ANO6: variants seen among roughly 807,000 people sequenced by gnomAD.
ANO6 encodes the protein anoctamin-6.
In ANO6, 106 loss-of-function variants were observed where a neutral mutation model predicts 117.5. The ratio of observed to expected loss-of-function variants is 0.90; its 90% confidence interval spans 0.77 to 1.06. The LOEUF is 1.06. ANO6 is among the 50% of genes least tolerant of loss of function. The probability of loss-of-function intolerance (pLI) is 0.00; values close to 1 mark genes in which losing one functional copy is unlikely to be tolerated. For missense variants in ANO6, 955 were observed against 1,121.1 expected, an observed-to-expected ratio of 0.85 and a Z score of 2.12; for synonymous variants, 367 against 385.1, an observed-to-expected ratio of 0.95 and a Z score of 0.55.
chr12:45,244,880 T>C (rs1228404130), intron 1 of ANO6, among the ~76,000 whole-genome samples: 1 of 152,206 alleles, frequency 6.6e-6, no homozygotes, highest in Admixed American at 6.5e-5. Context: ...TCTTTGGTCA[T>C]AGCAGGGATG....
chr12:45,373,625 G>A (rs1305510489), intron 9 of ANO6, among the ~76,000 whole-genome samples: 5 of 152,108 alleles, frequency 3.3e-5, no homozygotes, highest in Non-Finnish European at 4.4e-5. Flanking sequence ...GGTACATAAC[G>A]AAATGAAGGC....
At chr12:45,225,561 T>C (rs1256303191) in intron 1 of ANO6, among the ~76,000 whole-genome samples, 2 of 152,068 alleles carry the variant, frequency 1.3e-5, no homozygotes, top group African/African-American at 2.4e-5. Flanking sequence ...AGATCTGGGC[T>C]CACTGCAAGC....
At chr12:45,289,582 C>A (rs1378768165) in intron 1 of ANO6, among the ~76,000 whole-genome samples, 1 of 152,206 alleles carries the variant, frequency 6.6e-6, no homozygotes, top group African/African-American at 2.4e-5. Context: ...ATATTAATGA[C>A]TATTTTCTGT....
intron 17 of ANO6, among the ~76,000 whole-genome samples, chr12:45,417,886 C>G (rs1293100054): frequency 6.6e-6 from 1 of 152,102 alleles, no homozygotes; most frequent in Non-Finnish European, 1.5e-5. Context: ...CAGGTAGACC[C>G]GAACTCCACT....
chr12:45,431,335 C>T lies in ANO6; in HGVS notation c.*2024C>T. 2.0e-6 allele frequency: 2 copies of T among 985,410 alleles called. No individual in the cohort carries two copies. Among genetic ancestry groups the T allele is most frequent in the Non-Finnish European group, 2.4e-6 (2 of 829,928 alleles). 61.0% of individuals were successfully genotyped at this position (985,410 alleles called of 1,614,324 possible). ...TGTCACTTCCTCTCTAGTACCTCTT[C>T]TCTTCTCTGAAGTGTGTGACTATCT... On this transcript the variant is annotated 3_prime_UTR_variant, in exon 20 of 20. Transcript: ENST00000320560.
intron 1 of ANO6, among the ~76,000 whole-genome samples, chr12:45,284,172 C>T (rs575771161): frequency 1.3e-5 from 2 of 152,142 alleles, no homozygotes; most frequent in South Asian, 2.1e-4. Flanking sequence ...TGATCTAATG[C>T]GAATAGACAG....
intron 10 of ANO6, among the ~76,000 whole-genome samples, chr12:45,382,998 CT>C: frequency 6.6e-6 from 1 of 152,116 alleles, no homozygotes. Context: ...CAAAAGAGTT[CT>C]CTAGCATGTG....
At position 45,237,449 on chromosome 12, in the gene ANO6, C is replaced by T. The variant is rs573134658; in HGVS notation, c.70+21058C>T. Among the ~76,000 whole-genome samples, 4 of 152,292 alleles carry T rather than the reference C, an allele frequency of 2.6e-5. No individual in the cohort carries two copies. In the South Asian group the frequency reaches 8.3e-4, roughly 32 times the overall value. On this transcript the variant is annotated intron_variant, in intron 1 of 19. Transcript: ENST00000320560. Reference sequence around the variant, plus strand: ...TTTCAGTTTTCTACATATGGCTAGCCAGTTTTCCCAGCACCATTTATTAAA... The same window carrying T: ...TTTCAGTTTTCTACATATGGCTAGCTAGTTTTCCCAGCACCATTTATTAAA...
chr12:45,261,089 C>T (rs144106611), intron 1 of ANO6, among the ~76,000 whole-genome samples: 8 of 151,934 alleles, frequency 5.3e-5, no homozygotes, highest in South Asian at 2.1e-4. Context: ...CCAAATGTTA[C>T]GTTTACAGGC....
intron 1 of ANO6, among the ~76,000 whole-genome samples, chr12:45,249,737 C>T (rs998777539): frequency 4.6e-5 from 7 of 152,112 alleles, no homozygotes; most frequent in Non-Finnish European, 8.8e-5. Flanking sequence ...CACTGAATCC[C>T]CAAAAATAAT....
Position 45,285,545 on chromosome 12 carries a change from A to G in ANO6, c.71-16469A>G, listed in dbSNP as rs146460448. On this transcript the variant is annotated intron_variant, in intron 1 of 19. Coordinates refer to ENST00000320560, the MANE Select transcript of ANO6 (RefSeq NM_001025356.3). ...AATCACAGGTCAGGAGATCACCAAC[A>G]TGGTGAAACCTTGTCTCTACTAAAA... 6.7e-3 allele frequency among the ~76,000 whole-genome samples: 1,027 copies of G among 152,280 alleles called. 7 individuals carry two copies. The highest frequency in any genetic ancestry group is 0.021 in the African/African-American group (889 of 41,568).
intron 8 of ANO6, among the ~76,000 whole-genome samples, chr12:45,363,586 G>C (rs1027995459): frequency 1.3e-5 from 2 of 151,788 alleles, no homozygotes; most frequent in Non-Finnish European, 2.9e-5. Flanking sequence ...AAGAAAAAAG[G>C]GTGTTCAGTC....
intron 8 of ANO6, among the ~76,000 whole-genome samples, chr12:45,366,790 A>G (rs376883195): frequency 1.3e-5 from 2 of 152,288 alleles, no homozygotes; most frequent in African/African-American, 4.8e-5. Flanking sequence ...TTCTCCCTAT[A>G]AATCTTAACA....
chr12:45,286,336 T>A (rs909962233), intron 1 of ANO6, among the ~76,000 whole-genome samples: 1 of 152,212 alleles, frequency 6.6e-6, no homozygotes, highest in African/African-American at 2.4e-5. Context: ...TTCAGTTATA[T>A]TTGGCCTAAA....
At chr12:45,353,484 G>A (rs1234338365) in intron 7 of ANO6, among the ~76,000 whole-genome samples, 2 of 151,782 alleles carry the variant, frequency 1.3e-5, no homozygotes, top group East Asian at 3.9e-4. Context: ...TTTTGCTTTA[G>A]TAAAGAAAAC....
At chr12:45,238,203 T>A (rs1293745641) in intron 1 of ANO6, among the ~76,000 whole-genome samples, 2 of 147,690 alleles carry the variant, frequency 1.4e-5, no homozygotes, top group Non-Finnish European at 3.0e-5. Flanking sequence ...CAGGCTGGAG[T>A]GCAGTGGCAG....
chr12:45,288,666 A>G (rs1365990538), intron 1 of ANO6, among the ~76,000 whole-genome samples: 1 of 152,234 alleles, frequency 6.6e-6, no homozygotes, highest in Non-Finnish European at 1.5e-5. Context: ...AAATGTTGCT[A>G]TGAACATGGA....
intron 19 of ANO6, among the ~76,000 whole-genome samples, chr12:45,426,812 TTGA>T (rs562096518): frequency 2.6e-5 from 4 of 152,168 alleles, no homozygotes; most frequent in African/African-American, 9.6e-5. Context: ...CCTTGGTCTG[TTGA>T]TGATCTCCTG....
intron 19 of ANO6, among the ~76,000 whole-genome samples, chr12:45,426,688 A>G (rs34547270): frequency 0.055 from 8,367 of 152,046 alleles, 466 homozygotes; most frequent in East Asian, 0.32. Context: ...CTGGGCTCCT[A>G]GGAAAGTACG....
Sources: gnomAD v4.1 joint callset for allele counts (sites outside exome capture counted in the v4.1 genomes callset) on GRCh38, gnomAD v4.1.1 for gene constraint, MANE v1.5 for transcripts, NCBI Gene and HGNC (gene_info 2026-07-23, HGNC 2026-07-21) for gene names.